Variants in KCNH5 observed in about 807,000 individuals in gnomAD.
The protein encoded by KCNH5 is potassium voltage-gated channel subfamily H member 5, also known as voltage-gated delayed rectifier potassium channel KCNH5.
In KCNH5, 46 loss-of-function variants were observed where a neutral mutation model predicts 96.1. The observed-to-expected ratio is 0.48, with a 90% confidence interval of 0.38 to 0.61. The LOEUF is 0.61. Among genes scored for constraint, KCNH5 ranks in the 20% least tolerant of loss-of-function variants. The pLI is 0.00. For synonymous variants in KCNH5, 439 were observed against 449.8 expected (o/e 0.98, Z 0.30); for missense variants, 907 against 1,225.8 (o/e 0.74, Z 3.88).
intron 7 of KCNH5, among the ~76,000 whole-genome samples, chr14:62,908,652 G>A (rs550538063): frequency 6.6e-6 from 1 of 152,254 alleles, no homozygotes; most frequent in South Asian, 2.1e-4. Flanking sequence ...CTTCACATGT[G>A]TCCAGCTATA....
chr14:62,816,788 G>C (rs1039470714), intron 8 of KCNH5, among the ~76,000 whole-genome samples: 1 of 151,686 alleles, frequency 6.6e-6, no homozygotes, highest in African/African-American at 2.4e-5. Flanking sequence ...TAGGATGCTG[G>C]CTATTCCCAT....
chr14:62,763,600 T>A (rs985993889), intron 10 of KCNH5, among the ~76,000 whole-genome samples: 4 of 152,064 alleles, frequency 2.6e-5, no homozygotes, highest in African/African-American at 9.7e-5. Context: ...CCAAAAGTTT[T>A]TCCTTTGAAA....
At chr14:62,745,161 G>A (rs900926435) in intron 10 of KCNH5, among the ~76,000 whole-genome samples, 4 of 152,116 alleles carry the variant, frequency 2.6e-5, no homozygotes, top group Non-Finnish European at 5.9e-5. Flanking sequence ...GGCTTTTAAC[G>A]CACAAAAGTT....
intron 10 of KCNH5, among the ~76,000 whole-genome samples, chr14:62,736,241 G>A (rs1885153745): frequency 6.6e-6 from 1 of 152,098 alleles, no homozygotes; most frequent in East Asian, 1.9e-4. Flanking sequence ...ATGAAAACAA[G>A]AGCAAACCTC....
intron 8 of KCNH5, among the ~76,000 whole-genome samples, chr14:62,838,386 C>T (rs1357405040): frequency 6.6e-6 from 1 of 152,148 alleles, no homozygotes; most frequent in African/African-American, 2.4e-5. Flanking sequence ...TCTAACCCTG[C>T]ATTAGATAAT....
intron 8 of KCNH5, among the ~76,000 whole-genome samples, chr14:62,809,927 A>T (rs1886840048): frequency 6.6e-6 from 1 of 152,104 alleles, no homozygotes; most frequent in African/African-American, 2.4e-5. Context: ...GATGGGTAAT[A>T]TAAAAACCTG....
intron 5 of KCNH5, among the ~76,000 whole-genome samples, chr14:62,984,967 C>G (rs1890677903): frequency 6.6e-6 from 1 of 152,074 alleles, no homozygotes; most frequent in Admixed American, 6.6e-5. Context: ...AAGAAAAATC[C>G]TGAATCAGGT....
intron 7 of KCNH5, among the ~76,000 whole-genome samples, chr14:62,920,638 G>C (rs917586781): frequency 6.6e-6 from 1 of 151,980 alleles, no homozygotes; most frequent in African/African-American, 2.4e-5. Flanking sequence ...AAAAATGCTT[G>C]AAACAAACTG....
At chr14:63,009,878 G>C (rs1339172450) in intron 2 of KCNH5, among the ~76,000 whole-genome samples, 1 of 152,176 alleles carries the variant, frequency 6.6e-6, no homozygotes, top group Non-Finnish European at 1.5e-5. Flanking sequence ...TAATCAATTT[G>C]AGGGGTCACA....
At chr14:62,756,048 A>G (rs1213342557) in intron 10 of KCNH5, among the ~76,000 whole-genome samples, 1 of 152,010 alleles carries the variant, frequency 6.6e-6, no homozygotes, top group African/African-American at 2.4e-5. Context: ...AGGAAAAAAA[A>G]AACAAAACCT....
chr14:62,731,686 G>T (rs1158306065), intron 10 of KCNH5, among the ~76,000 whole-genome samples: 1 of 152,156 alleles, frequency 6.6e-6, no homozygotes, highest in Non-Finnish European at 1.5e-5. Context: ...TTCTAAGAAT[G>T]CCACCATTGC....
intron 1 of KCNH5, among the ~76,000 whole-genome samples, chr14:63,033,759 A>C (rs990693274): frequency 6.6e-6 from 1 of 151,050 alleles, no homozygotes; most frequent in African/African-American, 2.4e-5. Context: ...ATTGTTAAGA[A>C]GGTAGATAAG....
intron 8 of KCNH5, among the ~76,000 whole-genome samples, chr14:62,829,407 G>T (rs1359626375): frequency 6.6e-6 from 1 of 152,198 alleles, no homozygotes; most frequent in Non-Finnish European, 1.5e-5. Context: ...GCAGGCTTCT[G>T]CCTAGACATC....
rs928888365 is a variant in KCNH5, at chr14:62,707,385, A to G, written c.*123T>C. 2.2e-6 allele frequency: 1 copy of G among 459,146 alleles called. No homozygotes were observed. Among genetic ancestry groups the G allele is most frequent in the Admixed American group, 4.4e-5 (1 of 22,802 alleles). 28.4% of individuals were successfully genotyped at this position (459,146 alleles called of 1,614,324 possible). The stretch of plus-strand genomic sequence containing the variant: ...ATCCAGCTGGACATGCAATATTTAC[A>G]TATCAAAATCCATGTGTGGTCATCA... On this transcript the variant is annotated 3_prime_UTR_variant, in exon 11 of 11. Coordinates refer to ENST00000322893, the MANE Select transcript of KCNH5 (RefSeq NM_139318.5).
intron 7 of KCNH5, among the ~76,000 whole-genome samples, chr14:62,932,595 A>T (rs1889601927): frequency 1.3e-5 from 2 of 152,088 alleles, no homozygotes; most frequent in South Asian, 4.1e-4. Context: ...ACTCAAGAAA[A>T]TATCCCAGTA....
intron 10 of KCNH5, among the ~76,000 whole-genome samples, chr14:62,740,147 A>C (rs1014327462): frequency 4.6e-5 from 7 of 152,168 alleles, no homozygotes; most frequent in African/African-American, 1.7e-4. Context: ...CCTCTGTGAT[A>C]GACTCATTAT....
At position 62,854,929 on chromosome 14, in the gene KCNH5, C is replaced by A. The variant is rs1887899853; in HGVS notation, c.1370-5077G>T. 1.3e-5 allele frequency among the ~76,000 whole-genome samples: 2 copies of A among 149,648 alleles called. 1 individual carries two copies. Among genetic ancestry groups the A allele is most frequent in the South Asian group, 4.4e-4 (2 of 4,594 alleles). On this transcript the variant is annotated intron_variant, in intron 7 of 10. Coordinates refer to ENST00000322893, the MANE Select transcript of KCNH5 (RefSeq NM_139318.5). The stretch of plus-strand genomic sequence containing the variant: ...CTTTGAGAACTCTTCCATTGAGAGG[C>A]AAGGTCTATATTCTGATCCCTTGAA...
At chr14:62,853,139 CTA>C (rs1887841398) in intron 7 of KCNH5, among the ~76,000 whole-genome samples, 1 of 152,078 alleles carries the variant, frequency 6.6e-6, no homozygotes, top group Non-Finnish European at 1.5e-5. Context: ...GATTCATCTC[CTA>C]TATCTGATCC....
At chr14:62,961,266 C>A (rs75050909) in intron 6 of KCNH5, among the ~76,000 whole-genome samples, 2,290 of 152,268 alleles carry the variant, frequency 0.015, 18 homozygotes, top group Non-Finnish European at 0.02. Flanking sequence ...CTGCTCTCTA[C>A]ACTCTGTCAT....
Sources: gnomAD v4.1 joint callset for allele counts (sites outside exome capture counted in the v4.1 genomes callset) on GRCh38, gnomAD v4.1.1 for gene constraint, MANE v1.5 for transcripts, NCBI Gene and HGNC (gene_info 2026-07-23, HGNC 2026-07-21) for gene names.